Variants in BCKDHB observed in about 807,000 individuals in gnomAD.
BCKDHB encodes the protein 2-oxoisovalerate dehydrogenase subunit beta, mitochondrial.
A neutral mutation model predicts 48.5 loss-of-function variants in BCKDHB; 41 were observed. The observed-to-expected ratio is 0.85, with a 90% CI of 0.66 to 1.10. The LOEUF (loss-of-function observed/expected upper bound fraction) is 1.10. Ranked by LOEUF, BCKDHB falls within the 50% of genes least tolerant of loss-of-function variation. BCKDHB has a pLI of 0.00. For missense variants in BCKDHB, 496 were observed against 494.2 expected, an observed-to-expected ratio of 1.00 and a Z score of -0.03; for synonymous variants, 201 against 174.8, an observed-to-expected ratio of 1.15 and a Z score of -1.18.
At chr6:80,431,983 T>C in the BCKDHB span, among the ~76,000 whole-genome samples, 1 of 152,012 alleles carries the variant, frequency 6.6e-6, no homozygotes, top group Non-Finnish European at 1.5e-5. Context: ...AAATTCTGGG[T>C]TGAAAATTAT....
chr6:80,403,791 T>C, the BCKDHB span, among the ~76,000 whole-genome samples: 3 of 152,000 alleles, frequency 2.0e-5, no homozygotes, highest in African/African-American at 7.2e-5. Context: ...TCATGAAAGT[T>C]GTTGAATTTT....
At position 80,167,727 on chromosome 6, in the gene BCKDHB, A is replaced by T. The variant is rs934559515; in HGVS notation, c.393A>T (p.Gly131=). ...NTPLCEQGIV[G]FGIGIAVTGA... ...CATTGTGTGAACAAGGAATTGTTGG[A>T]TTTGGAATCGGAATTGCGGTCACTG... The change falls in exon 4 of 10, where the codon GGA becomes GGT. Residue 131 remains glycine, a synonymous_variant. Transcript: ENST00000320393. 5 of 1,612,384 alleles carry T rather than the reference A, an allele frequency of 3.1e-6. No homozygotes were observed. The Admixed American group carries it at 6.7e-5, about 22-fold the overall frequency.
chr6:80,387,322 G>T, the BCKDHB span, among the ~76,000 whole-genome samples: 1 of 152,080 alleles, frequency 6.6e-6, no homozygotes, highest in African/African-American at 2.4e-5. Flanking sequence ...GGGTTATTAT[G>T]GTGGGAAAGG....
intron 9 of BCKDHB, among the ~76,000 whole-genome samples, chr6:80,297,972 A>T (rs56323088): frequency 0.018 from 2,692 of 150,694 alleles, 71 homozygotes; most frequent in African/African-American, 0.062. Flanking sequence ...AAAACAGAGG[A>T]TTTTTTTTTT....
chr6:80,251,019 C>T lies in BCKDHB; in HGVS notation c.952-22116C>T, dbSNP rs114284175. Among the ~76,000 whole-genome samples the T allele has an allele frequency of 4.6e-5, 7 of 152,138 alleles. No homozygotes were observed. The East Asian group carries it at 9.6e-4, about 21-fold the overall frequency. ...TTAAGAATTGTACTTCTGGTTGTCC[C>T]GGGAGATTAGGATTCTTGTTTGGCT... On this transcript the variant is annotated intron_variant, in intron 8 of 9. Coordinates refer to ENST00000320393, the MANE Select transcript of BCKDHB (RefSeq NM_183050.4).
chr6:80,408,067 G>A, the BCKDHB span, among the ~76,000 whole-genome samples: 515 of 152,124 alleles, frequency 3.4e-3, 6 homozygotes, highest in African/African-American at 0.012. Context: ...GCATGAAGGG[G>A]TGTTGAATTT....
chr6:80,434,985 C>T, the BCKDHB span, among the ~76,000 whole-genome samples: 1 of 152,132 alleles, frequency 6.6e-6, no homozygotes, highest in Non-Finnish European at 1.5e-5. Flanking sequence ...GCACTCTTTT[C>T]TGCAAATTCT....
At chr6:80,237,499 A>G (rs1021835828) in intron 8 of BCKDHB, among the ~76,000 whole-genome samples, 12 of 152,224 alleles carry the variant, frequency 7.9e-5, no homozygotes, top group Non-Finnish European at 1.5e-4. Flanking sequence ...AATTATTCAT[A>G]ATAAGCTCAT....
the BCKDHB span, among the ~76,000 whole-genome samples, chr6:80,415,216 G>A: frequency 2.6e-5 from 4 of 152,032 alleles, no homozygotes; most frequent in Non-Finnish European, 5.9e-5. Context: ...AAACAGGGAT[G>A]GTTTGACTTC....
chr6:80,399,203 A>G, the BCKDHB span, among the ~76,000 whole-genome samples: 8 of 152,050 alleles, frequency 5.3e-5, no homozygotes, highest in African/African-American at 1.9e-4. Context: ...AAAGAAAATG[A>G]TGCTTTCTTT....
At chr6:80,325,157 A>G (rs1249585663) in intron 9 of BCKDHB, among the ~76,000 whole-genome samples, 7 of 152,212 alleles carry the variant, frequency 4.6e-5, no homozygotes, top group Non-Finnish European at 8.8e-5. Flanking sequence ...AGAATATAAT[A>G]TAATAAACAT....
intron 6 of BCKDHB, among the ~76,000 whole-genome samples, chr6:80,198,442 A>C (rs1774232982): frequency 1.3e-5 from 2 of 152,196 alleles, no homozygotes; most frequent in African/African-American, 4.8e-5. Flanking sequence ...TATAGATTTT[A>C]CTGTTTTTTA....
chr6:80,443,813 G>T, the BCKDHB span, among the ~76,000 whole-genome samples: 105 of 152,106 alleles, frequency 6.9e-4, no homozygotes, highest in Admixed American at 2.0e-3. Flanking sequence ...TGCATTGAGT[G>T]TCCATGTGAT....
Position 80,174,848 on chromosome 6 carries a change from A to G in BCKDHB, c.742+3458A>G, listed in dbSNP as rs1233601601. ...GGACCACATCTGCAGTGTGAGGTGC[A>G]AACTTTGGAATAGTCTAAGGTAATA... On this transcript the variant is annotated intron_variant, in intron 6 of 9. Transcript: ENST00000320393. 2.0e-5 allele frequency among the ~76,000 whole-genome samples: 3 copies of G among 152,194 alleles called. No individual in the cohort carries two copies. In the East Asian group the frequency reaches 5.8e-4, roughly 29 times the overall value.
intron 1 of BCKDHB, among the ~76,000 whole-genome samples, chr6:80,111,110 A>G (rs372704074): frequency 5.9e-5 from 9 of 152,366 alleles, no homozygotes; most frequent in African/African-American, 1.9e-4. Context: ...AATTTGACAA[A>G]TCAAAGGAGG....
chr6:80,207,952 A>G (rs555595524), intron 8 of BCKDHB, among the ~76,000 whole-genome samples: 1 of 151,848 alleles, frequency 6.6e-6, no homozygotes, highest in Admixed American at 6.6e-5. Context: ...AATCTTGCTT[A>G]ATCAAGCAGA....
chr6:80,425,734 T>C, the BCKDHB span, among the ~76,000 whole-genome samples: 2 of 152,190 alleles, frequency 1.3e-5, no homozygotes, highest in Admixed American at 6.5e-5. Flanking sequence ...TAGTATACTT[T>C]TCTTAATGTT....
chr6:80,429,937 C>T, the BCKDHB span, among the ~76,000 whole-genome samples: 588 of 152,236 alleles, frequency 3.9e-3, 6 homozygotes, highest in African/African-American at 0.014. Context: ...ATCCTTGTCT[C>T]GTGCCGGTTT....
chr6:80,202,304 T>C (rs3805917), intron 7 of BCKDHB, among the ~76,000 whole-genome samples: 1 of 152,126 alleles, frequency 6.6e-6, no homozygotes, highest in African/African-American at 2.4e-5. Context: ...AGCTAGTCCA[T>C]CTCTCTCCTG....
Sources: gnomAD v4.1 joint callset for allele counts (sites outside exome capture counted in the v4.1 genomes callset) on GRCh38, gnomAD v4.1.1 for gene constraint, MANE v1.5 for transcripts, NCBI Gene and HGNC (gene_info 2026-07-23, HGNC 2026-07-21) for gene names.